OTUD7B: variants seen among roughly 807,000 people sequenced by gnomAD.
OTUD7B encodes OTU domain-containing protein 7B.
A neutral mutation model predicts 82.2 loss-of-function variants in OTUD7B; 34 were observed. The ratio of observed to expected loss-of-function variants is 0.41; its 90% CI spans 0.31 to 0.55. The LOEUF is 0.55. Ranked by LOEUF, OTUD7B falls within the 20% of genes least tolerant of loss-of-function variation. The pLI, the probability that OTUD7B is intolerant of heterozygous loss-of-function variation, is 0.20. For missense variants in OTUD7B, 944 were observed against 1,062.1 expected, an observed-to-expected ratio of 0.89 and a Z score of 1.55; for synonymous variants, 398 against 402.7, an observed-to-expected ratio of 0.99 and a Z score of 0.14.
At chr1:149,967,841 A>C (rs587764731) in intron 3 of OTUD7B, among the ~76,000 whole-genome samples, 1 of 152,158 alleles carries the variant, frequency 6.6e-6, no homozygotes, top group South Asian at 2.1e-4. Flanking sequence ...CCATTCATTT[A>C]GCAATTTGGT....
intron 7 of OTUD7B, among the ~76,000 whole-genome samples, chr1:149,956,395 G>A (rs1648674749): frequency 2.6e-5 from 4 of 152,208 alleles, no homozygotes; most frequent in South Asian, 4.1e-4. Context: ...AGTTTCTGCC[G>A]AGAGATCTGC....
At chr1:149,946,875 A>G (rs1553772285) in intron 11 of OTUD7B, among the ~76,000 whole-genome samples, 2 of 151,798 alleles carry the variant, frequency 1.3e-5, no homozygotes, top group African/African-American at 4.8e-5. Flanking sequence ...CAACATGGTG[A>G]AACCTGTCCT....
chr1:150,012,747 A>G (rs1189220568), upstream of OTUD7B, among the ~76,000 whole-genome samples: 5 of 152,190 alleles, frequency 3.3e-5, no homozygotes, highest in African/African-American at 1.2e-4. Flanking sequence ...GGGGCCAGGA[A>G]GTGATGGGGT....
intron 3 of OTUD7B, among the ~76,000 whole-genome samples, chr1:149,968,254 C>A (rs1425137292): frequency 1.1e-5 from 1 of 88,400 alleles, no homozygotes; most frequent in Admixed American, 1.3e-4. Flanking sequence ...CAGAGCAAGA[C>A]CCCGTTTCAA....
At chr1:150,055,990 G>A in the OTUD7B span, among the ~76,000 whole-genome samples, 24 of 151,490 alleles carry the variant, frequency 1.6e-4, no homozygotes, top group Admixed American at 5.3e-4. Flanking sequence ...CTGTGACATG[G>A]GTTTATCTAT....
intron 1 of OTUD7B, among the ~76,000 whole-genome samples, chr1:149,994,588 A>AT (rs1651803536): frequency 7.6e-6 from 1 of 131,856 alleles, no homozygotes; most frequent in Non-Finnish European, 1.7e-5. Flanking sequence ...CCATCTCAAA[A>AT]AAAAAAAAAA....
chr1:150,051,090 G>T, the OTUD7B span, among the ~76,000 whole-genome samples: 1 of 151,568 alleles, frequency 6.6e-6, no homozygotes, highest in South Asian at 2.1e-4. Context: ...TTAGCCAGGC[G>T]TGGTGGCAGG....
rs188864579 is a variant in OTUD7B at position 150,001,258 on chromosome 1, T to C, written c.-67+9190A>G. On this transcript the variant is annotated intron_variant, in intron 1 of 11. Coordinates refer to ENST00000581312, the MANE Select transcript of OTUD7B (RefSeq NM_020205.4). ...TTTTTCCCCTGAACTTTTCTAAATG[T>C]TTGAAATATCTCATTATGCAAAATT... Among the ~76,000 whole-genome samples the C allele has an allele frequency of 3.1e-3, 474 of 152,306 alleles. 2 individuals are homozygous for C. Among genetic ancestry groups the C allele is most frequent in the Non-Finnish European group, 3.8e-3 (259 of 68,020 alleles).
Position 149,938,896 on chromosome 1 carries a change from C to T in OTUD7B, c.*4961G>A, listed in dbSNP as rs1345014847. On this transcript the variant is annotated 3_prime_UTR_variant, in exon 12 of 12. Transcript: ENST00000581312. ...GCAGTGAGCCGGGATCGCGCCATTG[C>T]ACTCCATCCTGGGCGACAAGAGCGA... The T allele has an allele frequency of 1.4e-5, 2 of 140,692 alleles. No individual in the cohort carries two copies. Among genetic ancestry groups the T allele is most frequent in the Middle Eastern group, 3.4e-3 (1 of 294 alleles). 8.7% of individuals were successfully genotyped at this position (140,692 alleles called of 1,614,324 possible).
chr1:150,008,937 T>C (rs1652838191), intron 1 of OTUD7B, among the ~76,000 whole-genome samples: 1 of 152,084 alleles, frequency 6.6e-6, no homozygotes, highest in Admixed American at 6.6e-5. Context: ...GGGTCAATAG[T>C]GGAAATTAGA....
chr1:149,979,309 C>A (rs1240124476), intron 1 of OTUD7B, among the ~76,000 whole-genome samples: 1 of 152,164 alleles, frequency 6.6e-6, no homozygotes, highest in Admixed American at 6.5e-5. Flanking sequence ...TTTAAAAACT[C>A]TCCTTTCCAA....
rs1649199495 is a variant in OTUD7B at position 149,962,107 on chromosome 1, AAG to A, written c.732+2113_732+2114del. On this transcript the variant is annotated intron_variant, in intron 6 of 11. Coordinates refer to ENST00000581312, the MANE Select transcript of OTUD7B (RefSeq NM_020205.4). ...ACAAATTTTACTTCAATTAAAAATA[AAG>A]AGAGCAATGCCCAGGTTCTATATGG... The A allele has an allele frequency of 3.3e-5, 5 of 152,312 alleles. No individual in the cohort carries two copies. In the South Asian group the frequency reaches 1.0e-3, roughly 32 times the overall value. 9.4% of individuals were successfully genotyped at this position (152,312 alleles called of 1,614,324 possible). A position where few individuals can be genotyped will look rare whatever the true frequency, so the allele number is the denominator to read the frequency against.
chr1:150,013,957 C>T (rs1479894694), upstream of OTUD7B, among the ~76,000 whole-genome samples: 2 of 130,606 alleles, frequency 1.5e-5, no homozygotes, highest in South Asian at 2.4e-4. Flanking sequence ...TACACACACA[C>T]ACACACACAC....
the OTUD7B span, among the ~76,000 whole-genome samples, chr1:150,041,304 CT>C: frequency 6.6e-6 from 1 of 151,966 alleles, no homozygotes; most frequent in African/African-American, 2.4e-5. Context: ...ATTATATGTC[CT>C]TTTCATTCCA....
intron 1 of OTUD7B, among the ~76,000 whole-genome samples, chr1:149,980,733 C>T (rs1342234341): frequency 6.6e-6 from 1 of 151,992 alleles, no homozygotes; most frequent in Non-Finnish European, 1.5e-5. Context: ...AAAGTTTGGG[C>T]TGGGCACAGT....
At chr1:150,016,959 G>C in the OTUD7B span, among the ~76,000 whole-genome samples, 1 of 152,058 alleles carries the variant, frequency 6.6e-6, no homozygotes, top group Non-Finnish European at 1.5e-5. Flanking sequence ...AGAGTTCAAG[G>C]CCCAATCTGT....
In OTUD7B at chr1:149,942,643, CTCT is replaced by C. The variant is rs1647335817; in HGVS notation, c.*1211_*1213del. 2.0e-5 allele frequency: 3 copies of C among 152,720 alleles called. No homozygotes were observed. The highest frequency in any genetic ancestry group is 3.9e-4 in the East Asian group (2 of 5,192). The allele number at this position is 152,720 out of a possible 1,614,324, so 9.5% of individuals were successfully genotyped here. A position where few individuals can be genotyped will look rare whatever the true frequency, so the allele number is the denominator to read the frequency against. ...ACATCAGTCCTAATATCAAAAATAT[CTCT>C]TCTTAGAAAGTATTTTTAATTATTT... is the stretch of plus-strand genomic sequence containing the variant. On this transcript the variant is annotated 3_prime_UTR_variant, in exon 12 of 12. Coordinates refer to ENST00000581312, the MANE Select transcript of OTUD7B (RefSeq NM_020205.4).
intron 7 of OTUD7B, among the ~76,000 whole-genome samples, chr1:149,957,991 G>A (rs1255040833): frequency 6.6e-6 from 1 of 152,218 alleles, no homozygotes; most frequent in Non-Finnish European, 1.5e-5. Context: ...TCCCAGGTGA[G>A]GCAATGCCCC....
chr1:149,967,620 A>G, intron 3 of OTUD7B, 99 bp from the exon 4 acceptor site: 1 of 859,726 alleles, frequency 1.2e-6, no homozygotes, highest in African/African-American at 1.7e-5. Context: ...GTTTACAGTC[A>G]GAGAAAAACT....
Sources: gnomAD v4.1 joint callset for allele counts (sites outside exome capture counted in the v4.1 genomes callset) on GRCh38, gnomAD v4.1.1 for gene constraint, MANE v1.5 for transcripts, NCBI Gene and HGNC (gene_info 2026-07-23, HGNC 2026-07-21) for gene names.